The following MERTK variants were observed in gnomAD, a reference collection of about 807,000 sequenced individuals.
MERTK encodes tyrosine-protein kinase Mer.
MERTK carries 69 observed loss-of-function variants against 99.3 expected under a neutral mutation model. That is an observed-to-expected ratio of 0.70 (90% CI 0.57 to 0.85). The LOEUF is 0.85. Among genes scored for constraint, MERTK ranks in the 40% least tolerant of loss-of-function variants. MERTK has a pLI of 0.00. For missense variants in MERTK, 1,125 were observed against 1,249.4 expected (o/e 0.90, Z 1.50); for synonymous variants, 426 against 467.6 (o/e 0.91, Z 1.15).
chr2:111,934,617 G>A (rs552860202), intron 2 of MERTK, among the ~76,000 whole-genome samples: 3 of 146,994 alleles, frequency 2.0e-5, no homozygotes, highest in African/African-American at 7.4e-5. Context: ...CTGGATATTA[G>A]CCCTTTGTCA....
chr2:111,996,406 CT>C (rs1336533608), intron 9 of MERTK: 2 of 153,816 alleles, frequency 1.3e-5, no homozygotes, highest in African/African-American at 4.8e-5. Flanking sequence ...CCTTGTCATT[CT>C]TTTTGTGCCC....
intron 6 of MERTK, among the ~76,000 whole-genome samples, chr2:111,969,026 G>C (rs749847817): frequency 6.6e-6 from 1 of 152,168 alleles, no homozygotes; most frequent in Non-Finnish European, 1.5e-5. Context: ...GTCATTGCAG[G>C]CCTTGTGGAA....
intron 2 of MERTK, chr2:111,930,112 A>G (rs1458362355): frequency 1.3e-5 from 2 of 152,664 alleles, no homozygotes; most frequent in African/African-American, 2.4e-5. Context: ...CCTACATATC[A>G]TATCAAGTAC....
chr2:112,023,391 G>A (rs1677398429), intron 18 of MERTK, among the ~76,000 whole-genome samples: 1 of 152,084 alleles, frequency 6.6e-6, no homozygotes, highest in South Asian at 2.1e-4. Context: ...TCCAGCCTGG[G>A]CGGCAGAGTA....
At chr2:112,009,329 C>G (rs1677047407) in intron 14 of MERTK, among the ~76,000 whole-genome samples, 1 of 152,186 alleles carries the variant, frequency 6.6e-6, no homozygotes, top group South Asian at 2.1e-4. Context: ...AGTGCAGGAG[C>G]TTTGCAAGCA....
chr2:111,944,828 A>G (rs1684935597), intron 2 of MERTK, 132 bp from the exon 3 acceptor site: 1 of 772,768 alleles, frequency 1.3e-6, no homozygotes, highest in East Asian at 2.9e-5. Context: ...AACTGCGTAC[A>G]ATGGCCTAGC....
chr2:111,906,991 C>A (rs569307233), intron 1 of MERTK, among the ~76,000 whole-genome samples: 35 of 152,168 alleles, frequency 2.3e-4, no homozygotes, highest in African/African-American at 8.4e-4. Flanking sequence ...GATACTTTCT[C>A]CCATGCCGTT....
intron 8 of MERTK, 121 bp from the exon 9 acceptor site, chr2:111,994,130 G>T (rs970180587): frequency 1.8e-6 from 2 of 1,107,854 alleles, no homozygotes; most frequent in Non-Finnish European, 2.8e-6. Flanking sequence ...GAATGCTGTG[G>T]AAGTGTGGCT....
chr2:111,970,789 TCCTCCTCCTCCCCC>T (rs1676099262), intron 6 of MERTK, among the ~76,000 whole-genome samples: 2 of 12,884 alleles, frequency 1.6e-4, no homozygotes, highest in Admixed American at 1.1e-3. Flanking sequence ...TCCTCCTCCC[TCCTCCTCCTCCCCC>T]CTCCTCCTCC....
At chr2:112,004,901 CA>C (rs112757528) in intron 13 of MERTK, among the ~76,000 whole-genome samples, 67 of 139,394 alleles carry the variant, frequency 4.8e-4, no homozygotes, top group Non-Finnish European at 6.6e-4. Flanking sequence ...GACTCCGTCT[CA>C]AAAAAAAAAA....
chr2:111,917,479 G>A (rs1684372431), intron 1 of MERTK, among the ~76,000 whole-genome samples: 2 of 152,168 alleles, frequency 1.3e-5, no homozygotes, highest in South Asian at 2.1e-4. Context: ...TTAGCTCCTA[G>A]TCTAGGACAT....
intron 1 of MERTK, among the ~76,000 whole-genome samples, chr2:111,912,423 G>T (rs1684267908): frequency 6.6e-6 from 1 of 152,148 alleles, no homozygotes; most frequent in African/African-American, 2.4e-5. Context: ...TAAATGTGCA[G>T]ATTTTAAGTG....
chr2:112,002,695 C>T (rs550830446), intron 11 of MERTK, among the ~76,000 whole-genome samples: 8 of 152,194 alleles, frequency 5.3e-5, no homozygotes, highest in South Asian at 2.1e-4. Context: ...AAAAAGGGGC[C>T]GGCTATGGTG....
chr2:111,908,429 C>G lies in MERTK; in HGVS notation c.61+9633C>G, dbSNP rs568587749. On this transcript the variant is annotated intron_variant, in intron 1 of 18. Coordinates refer to ENST00000295408, the MANE Select transcript of MERTK (RefSeq NM_006343.3). ...TGACGTAAGAAGTCAGACATTAACA[C>G]TACAGTGGAAGTCCCCGGTCGTTCC... is the stretch of plus-strand genomic sequence containing the variant. Among the ~76,000 whole-genome samples the G allele has an allele frequency of 7.2e-4, 110 of 152,288 alleles. 1 individual carries two copies. Among genetic ancestry groups the G allele is most frequent in the African/African-American group, 2.3e-3 (97 of 41,560 alleles).
intron 12 of MERTK, chr2:112,003,575 A>T: frequency 2.7e-6 from 1 of 373,424 alleles, no homozygotes. Flanking sequence ...TGTTCTTAGG[A>T]TGAATGATAA....
At chr2:111,976,199 C>T (rs1034274551) in intron 7 of MERTK, among the ~76,000 whole-genome samples, 1 of 152,196 alleles carries the variant, frequency 6.6e-6, no homozygotes, top group Non-Finnish European at 1.5e-5. Context: ...GGGCGCACCA[C>T]CCTCCAGGAA....
At chr2:112,008,784 T>C (rs1371829437) in intron 14 of MERTK, 3 of 425,140 alleles carry the variant, frequency 7.1e-6, no homozygotes, top group African/African-American at 4.0e-5. Context: ...GGTTGTGTTA[T>C]AATTTTTATT....
intron 1 of MERTK, among the ~76,000 whole-genome samples, chr2:111,901,543 T>C (rs1684042671): frequency 1.3e-5 from 2 of 149,974 alleles, no homozygotes; most frequent in Non-Finnish European, 3.0e-5. Context: ...GTGGAATTCT[T>C]TTCTTTTCTT....
chr2:112,004,384 G>T (rs886215795), intron 13 of MERTK, among the ~76,000 whole-genome samples: 1 of 152,114 alleles, frequency 6.6e-6, no homozygotes, highest in Non-Finnish European at 1.5e-5. Context: ...GTCTAGTGTG[G>T]TGGGGCCACT....
Sources: allele counts gnomAD v4.1 joint callset (sites outside exome capture counted in the v4.1 genomes callset), GRCh38; gene constraint gnomAD v4.1.1; transcripts MANE v1.5; gene names NCBI Gene and HGNC (gene_info 2026-07-23, HGNC 2026-07-21).